Variants in GNAQ observed in about 807,000 individuals in gnomAD.
GNAQ encodes the protein guanine nucleotide-binding protein G(q) subunit alpha.
A neutral mutation model predicts 43.9 loss-of-function variants in GNAQ; 8 were observed. The observed-to-expected ratio is 0.18, with a 90% CI of 0.11 to 0.33. GNAQ has a LOEUF of 0.33. GNAQ is among the 10% of genes least tolerant of loss of function. GNAQ has a pLI of 1.00. For synonymous variants in GNAQ, 155 were observed against 170.7 expected, an observed-to-expected ratio of 0.91 and a Z score of 0.71; for missense variants, 158 against 450.8, an observed-to-expected ratio of 0.35 and a Z score of 5.88.
intron 2 of GNAQ, among the ~76,000 whole-genome samples, chr9:77,895,888 G>A (rs1042034902): frequency 2.6e-5 from 4 of 152,122 alleles, no homozygotes; most frequent in African/African-American, 9.7e-5. Flanking sequence ...ATCCACGTAA[G>A]ATATGATTTG....
intron 1 of GNAQ, among the ~76,000 whole-genome samples, chr9:77,956,000 A>G (rs971686598): frequency 1.3e-5 from 2 of 152,242 alleles, no homozygotes; most frequent in Admixed American, 6.5e-5. Flanking sequence ...GGGCACATAT[A>G]TTATAAATAA....
intron 5 of GNAQ, among the ~76,000 whole-genome samples, chr9:77,749,001 C>T (rs1386146847): frequency 6.6e-6 from 1 of 152,174 alleles, no homozygotes; most frequent in African/African-American, 2.4e-5. Flanking sequence ...GGCTGGGACA[C>T]TGGCTTCTGA....
rs775147628 is a variant in GNAQ, at chr9:77,925,204, G to A, written c.137-2859C>T. 3.9e-5 allele frequency among the ~76,000 whole-genome samples: 6 copies of A among 152,092 alleles called. No individual in the cohort carries two copies. The East Asian group carries it at 7.7e-4, about 20-fold the overall frequency. On this transcript the variant is annotated intron_variant, in intron 1 of 6. Coordinates refer to ENST00000286548, the MANE Select transcript of GNAQ (RefSeq NM_002072.5). ...ATCCCCACACTGGAGTGTGCTGTTC[G>A]TTTCCTTCTGGAGCTCTGACTAGCA... is the stretch of plus-strand genomic sequence containing the variant.
chr9:77,850,622 A>G (rs929759680), intron 2 of GNAQ, among the ~76,000 whole-genome samples: 27 of 152,046 alleles, frequency 1.8e-4, no homozygotes, highest in Non-Finnish European at 2.9e-4. Context: ...AACCCTCTAG[A>G]ACTTCCTAGC....
chr9:77,995,636 C>G (rs567372570), intron 1 of GNAQ, among the ~76,000 whole-genome samples: 83 of 152,094 alleles, frequency 5.5e-4, no homozygotes, highest in Non-Finnish European at 1.2e-3. Flanking sequence ...GAGCTAACTA[C>G]TCGGCTAATT....
intron 3 of GNAQ, among the ~76,000 whole-genome samples, chr9:77,803,565 CAG>C (rs779523469): frequency 2.0e-5 from 3 of 152,132 alleles, no homozygotes; most frequent in Non-Finnish European, 4.4e-5. Context: ...AAGCAAAATG[CAG>C]AGTCATCTGG....
intron 2 of GNAQ, among the ~76,000 whole-genome samples, chr9:77,910,054 A>G (rs894102337): frequency 6.6e-6 from 1 of 152,216 alleles, no homozygotes; most frequent in African/African-American, 2.4e-5. Flanking sequence ...ATTTAGGGCA[A>G]AACAATATAA....
At chr9:77,954,906 T>A (rs542549970) in intron 1 of GNAQ, among the ~76,000 whole-genome samples, 10 of 152,188 alleles carry the variant, frequency 6.6e-5, no homozygotes, top group Non-Finnish European at 1.3e-4. Flanking sequence ...CAGAGAAAAT[T>A]CCATATTAGC....
At chr9:77,876,783 C>T (rs1828132758) in intron 2 of GNAQ, among the ~76,000 whole-genome samples, 3 of 152,162 alleles carry the variant, frequency 2.0e-5, no homozygotes, top group Admixed American at 2.0e-4. Context: ...AGTAATAAAT[C>T]AGTGAGCTGG....
intron 6 of GNAQ, among the ~76,000 whole-genome samples, chr9:77,727,142 T>C (rs571856857): frequency 3.3e-5 from 5 of 151,096 alleles, no homozygotes; most frequent in Non-Finnish European, 7.4e-5. Flanking sequence ...AGGAGTATAG[T>C]GGCAGGATCA....
rs923711975 is a variant in GNAQ at position 77,851,828 on chromosome 9, T to C, written c.322-36058A>G. On this transcript the variant is annotated intron_variant, in intron 2 of 6. Coordinates refer to ENST00000286548, the MANE Select transcript of GNAQ (RefSeq NM_002072.5). The stretch of plus-strand genomic sequence containing the variant: ...TTTACAGTCCATCGTTTCCAACCCA[T>C]GCAATGCACAACCTAATACCAACTG... Among the ~76,000 whole-genome samples, 7 of 152,208 alleles carry C rather than the reference T, an allele frequency of 4.6e-5. No homozygotes were observed. In the South Asian group the frequency reaches 8.3e-4, roughly 18 times the overall value.
At chr9:77,804,696 G>A (rs750580744) in intron 3 of GNAQ, among the ~76,000 whole-genome samples, 16 of 150,478 alleles carry the variant, frequency 1.1e-4, no homozygotes, top group Non-Finnish European at 2.1e-4. Context: ...GACACGGGGT[G>A]TGTGTTGGAG....
chr9:77,972,369 A>T (rs534965587), intron 1 of GNAQ, among the ~76,000 whole-genome samples: 10 of 152,238 alleles, frequency 6.6e-5, no homozygotes, highest in African/African-American at 2.4e-4. Flanking sequence ...TGCACTGTAG[A>T]GTCTAACAGA....
At chr9:77,960,889 C>T (rs542841594) in intron 1 of GNAQ, among the ~76,000 whole-genome samples, 1 of 152,168 alleles carries the variant, frequency 6.6e-6, no homozygotes, top group African/African-American at 2.4e-5. Flanking sequence ...CTAACGAGCA[C>T]AGGAGGCCTG....
In GNAQ at chr9:77,895,122, C is replaced by T. The variant is rs552990676; in HGVS notation, c.321+27039G>A. On this transcript the variant is annotated intron_variant, in intron 2 of 6. Coordinates refer to ENST00000286548, the MANE Select transcript of GNAQ (RefSeq NM_002072.5). ...ATGAGGCAGGAGAATGGCATGAACC[C>T]GGGAGGTGGAGCTTGCAGTGAGCCA... 8.1e-4 allele frequency among the ~76,000 whole-genome samples: 121 copies of T among 149,356 alleles called. 2 individuals carry two copies. Among genetic ancestry groups the T allele is most frequent in the African/African-American group, 2.5e-3 (100 of 40,432 alleles).
chr9:77,846,325 G>A (rs1225559227), intron 2 of GNAQ, among the ~76,000 whole-genome samples: 1 of 152,160 alleles, frequency 6.6e-6, no homozygotes, highest in African/African-American at 2.4e-5. Context: ...AGGGGCAAGC[G>A]CTTTCCGCCT....
chr9:77,973,775 G>A (rs1452472648), intron 1 of GNAQ, among the ~76,000 whole-genome samples: 1 of 152,120 alleles, frequency 6.6e-6, no homozygotes, highest in Non-Finnish European at 1.5e-5. Context: ...CTGAGATTGT[G>A]CCACTGCACT....
chr9:77,800,445 T>C (rs1467376826), intron 3 of GNAQ, among the ~76,000 whole-genome samples: 1 of 151,708 alleles, frequency 6.6e-6, no homozygotes, highest in East Asian at 1.9e-4. Flanking sequence ...AAATTGGAAA[T>C]CATCATTCTC....
At chr9:77,967,818 A>G (rs1823187677) in intron 1 of GNAQ, among the ~76,000 whole-genome samples, 2 of 152,098 alleles carry the variant, frequency 1.3e-5, no homozygotes, top group Admixed American at 1.3e-4. Flanking sequence ...CATGTCTACT[A>G]AAAATACAAA....
Sources: allele counts gnomAD v4.1 joint callset (sites outside exome capture counted in the v4.1 genomes callset), GRCh38; gene constraint gnomAD v4.1.1; transcripts MANE v1.5; gene names NCBI Gene and HGNC (gene_info 2026-07-23, HGNC 2026-07-21).